DLGAP4: variants seen among roughly 807,000 people sequenced by gnomAD.
DLGAP4 encodes disks large-associated protein 4.
DLGAP4 carries 18 observed loss-of-function variants against 86.9 expected under a neutral mutation model. That is an observed-to-expected ratio of 0.21 (90% CI 0.14 to 0.31). The LOEUF (loss-of-function observed/expected upper bound fraction) is 0.31, where lower values mean the gene tolerates loss of function less well. DLGAP4 is among the 10% of genes least tolerant of loss of function. DLGAP4 has a pLI of 1.00. For synonymous variants in DLGAP4, 548 were observed against 574.3 expected (o/e 0.95, Z 0.65); for missense variants, 1,085 against 1,362.6 (o/e 0.80, Z 3.21).
In DLGAP4 at chr20:36,461,518, CCCGCCGCTGG is replaced by C. The variant is rs1052310202; in HGVS notation, c.1648+14589_1648+14598del. The C allele has an allele frequency of 2.2e-5, 22 of 983,572 alleles. No individual in the cohort carries two copies. In the African/African-American group the frequency reaches 3.9e-4, roughly 17 times the overall value. 60.9% of individuals were successfully genotyped at this position (983,572 alleles called of 1,614,324 possible). A position where few individuals can be genotyped will look rare whatever the true frequency, so the allele number is the denominator to read the frequency against. On this transcript the variant is annotated intron_variant, in intron 7 of 12. Transcript: ENST00000339266. ...GCTGCGTGAGGGAGGAGGGTGAGTG[CCCGCCGCTGG>C]CCGCCGCCGCCGCCGCCAGTCCGTC...
intron 6 of DLGAP4, among the ~76,000 whole-genome samples, chr20:36,443,059 C>T (rs924211127): frequency 2.0e-5 from 3 of 152,334 alleles, no homozygotes; most frequent in South Asian, 4.1e-4. Context: ...CTCCAGGACT[C>T]CTGCCCTCCT....
At chr20:36,509,990 G>A (rs959682038) in intron 10 of DLGAP4, among the ~76,000 whole-genome samples, 1 of 151,894 alleles carries the variant, frequency 6.6e-6, no homozygotes, top group Non-Finnish European at 1.5e-5. Context: ...CTGAGCAGCT[G>A]GGATTACAGG....
chr20:36,482,099 C>T (rs1300822197), intron 7 of DLGAP4, among the ~76,000 whole-genome samples: 1 of 152,220 alleles, frequency 6.6e-6, no homozygotes, highest in Non-Finnish European at 1.5e-5. Context: ...CCATTCAGTC[C>T]TGCACTATTC....
chr20:36,465,770 G>A (rs1473575284), intron 7 of DLGAP4, among the ~76,000 whole-genome samples: 1 of 152,088 alleles, frequency 6.6e-6, no homozygotes, highest in Non-Finnish European at 1.5e-5. Flanking sequence ...GGGCTCTTGC[G>A]GGAAGGCTGT....
intron 7 of DLGAP4, chr20:36,461,341 T>A: frequency 3.6e-6 from 2 of 556,078 alleles, no homozygotes; most frequent in Non-Finnish European, 4.5e-6. Flanking sequence ...CCGGGCCACA[T>A]GCCAAGCGGG....
rs200995929 is a variant in DLGAP4 at position 36,527,266 on chromosome 20, CTTT to C, written c.*242_*244del. 1 of 431,904 alleles carries C rather than the reference CTTT, an allele frequency of 2.3e-6. No individual in the cohort carries two copies. Among genetic ancestry groups the C allele is most frequent in the African/African-American group, 2.0e-5 (1 of 49,716 alleles). The allele number at this position is 431,904 out of a possible 1,614,324, so 26.8% of individuals were successfully genotyped here. A position where few individuals can be genotyped will look rare whatever the true frequency, so the allele number is the denominator to read the frequency against. On this transcript the variant is annotated 3_prime_UTR_variant, in exon 13 of 13. Coordinates refer to ENST00000339266, the MANE Select transcript of DLGAP4 (RefSeq NM_001365621.2). ...CAACAAAAATCACGAAACTAGAAAA[CTTT>C]TTTTTTCCTCTTGCTGGCCGTGGTG...
At chr20:36,372,521 C>CTT (rs763253874) in intron 2 of DLGAP4, among the ~76,000 whole-genome samples, 2 of 140,144 alleles carry the variant, frequency 1.4e-5, no homozygotes, top group Non-Finnish European at 3.1e-5. Context: ...CCAGGATTTG[C>CTT]TTTTTTTTTT....
rs776281416 is a variant in DLGAP4, at chr20:36,526,878, C to A, written c.2826C>A (p.Arg942=). 1 of 1,612,670 alleles carries A rather than the reference C, an allele frequency of 6.2e-7. No individual in the cohort carries two copies. Among genetic ancestry groups the A allele is most frequent in the East Asian group, 2.2e-5 (1 of 44,834 alleles). The change falls in exon 13 of 13, where the codon CGC becomes CGA. Residue 942 remains arginine, a synonymous_variant. Coordinates refer to ENST00000339266, the MANE Select transcript of DLGAP4 (RefSeq NM_001365621.2). ...CCAAATCCAAGCCGGCAGTGAGCCG[C>A]GACAAGGCCTCAGACGCCAGCGACA... is the stretch of plus-strand genomic sequence containing the variant. ...KPAKSKPAVS[R]DKASDASDKQ...
chr20:36,506,145 CAT>C (rs1020746138), intron 10 of DLGAP4, among the ~76,000 whole-genome samples: 1 of 152,188 alleles, frequency 6.6e-6, no homozygotes, highest in Non-Finnish European at 1.5e-5. Flanking sequence ...TTACTAACGA[CAT>C]GTGGCTAGTA....
intron 1 of DLGAP4, among the ~76,000 whole-genome samples, chr20:36,324,337 G>A (rs1222574558): frequency 1.3e-5 from 2 of 152,126 alleles, no homozygotes; most frequent in Non-Finnish European, 2.9e-5. Flanking sequence ...AGAGGCAGGA[G>A]AATCACTTGA....
chr20:36,317,823 C>G (rs1451089023), intron 1 of DLGAP4, among the ~76,000 whole-genome samples: 4 of 151,844 alleles, frequency 2.6e-5, no homozygotes, highest in Non-Finnish European at 5.9e-5. Context: ...ATAGCTGAGT[C>G]AGATCCATTC....
intron 7 of DLGAP4, among the ~76,000 whole-genome samples, chr20:36,464,575 C>T (rs1048046450): frequency 1.2e-4 from 18 of 151,540 alleles, no homozygotes; most frequent in African/African-American, 2.9e-4. Context: ...GTCGACCGGG[C>T]GCGCTGGCTC....
rs976913482 is a variant in DLGAP4, at chr20:36,393,997, G to A, written c.-73+26722G>A. 6.6e-6 allele frequency among the ~76,000 whole-genome samples: 1 copy of A among 152,108 alleles called. No homozygotes were observed. The highest frequency in any genetic ancestry group is 1.5e-5 in the Non-Finnish European group (1 of 68,002). ...GGGTGCCCCCTCCCTCCTCCATGCC[G>A]CACTGGCCTGCCTTCTATTTCTCAG... On this transcript the variant is annotated intron_variant, in intron 2 of 12. Coordinates refer to ENST00000339266, the MANE Select transcript of DLGAP4 (RefSeq NM_001365621.2). The surrounding 1 kb of genome is among the most constrained non-coding windows in gnomAD (Gnocchi z 4.4).
At chr20:36,368,563 G>A (rs913991894) in intron 2 of DLGAP4, among the ~76,000 whole-genome samples, 3 of 152,128 alleles carry the variant, frequency 2.0e-5, no homozygotes, top group Non-Finnish European at 4.4e-5. Context: ...TGGCTCTCCC[G>A]ACCCAGCTCC....
chr20:36,335,980 A>T (rs2065317678), intron 1 of DLGAP4, among the ~76,000 whole-genome samples: 1 of 152,132 alleles, frequency 6.6e-6, no homozygotes, highest in African/African-American at 2.4e-5. Context: ...GAAGGATGAC[A>T]GGTTCCTGTT....
chr20:36,383,349 G>A (rs1051395699), intron 2 of DLGAP4, among the ~76,000 whole-genome samples: 1 of 152,318 alleles, frequency 6.6e-6, no homozygotes, highest in Middle Eastern at 3.4e-3. Context: ...GATGGAGTGG[G>A]ACAGGCTGAA....
At position 36,395,320 on chromosome 20, in the gene DLGAP4, G is replaced by C. The variant is rs972097642; in HGVS notation, c.-73+28045G>C. On this transcript the variant is annotated intron_variant, in intron 2 of 12. Coordinates refer to ENST00000339266, the MANE Select transcript of DLGAP4 (RefSeq NM_001365621.2). ...ACCTGTCTCCCCAGCTAGAATGTAG[G>C]CTCTATGGGGGCAAGGACTGTCTTC... 2.6e-5 allele frequency among the ~76,000 whole-genome samples: 4 copies of C among 152,206 alleles called. No individual in the cohort carries two copies. In the South Asian group the frequency reaches 8.3e-4, roughly 32 times the overall value.
intron 7 of DLGAP4, among the ~76,000 whole-genome samples, chr20:36,476,986 C>T (rs2034974277): frequency 6.6e-6 from 1 of 151,926 alleles, no homozygotes; most frequent in Admixed American, 6.6e-5. Context: ...AGCTACCATG[C>T]CCAGCCCTCT....
intron 2 of DLGAP4, among the ~76,000 whole-genome samples, chr20:36,372,319 A>G (rs918954031): frequency 2.0e-5 from 3 of 152,038 alleles, no homozygotes; most frequent in African/African-American, 7.3e-5. Flanking sequence ...TGGGAGTCAG[A>G]CCCAGGTAGG....
Sources: allele counts gnomAD v4.1 joint callset (sites outside exome capture counted in the v4.1 genomes callset), GRCh38; gene constraint gnomAD v4.1.1; non-coding constraint Gnocchi (gnomAD v3.1); transcripts MANE v1.5; gene names NCBI Gene and HGNC (gene_info 2026-07-23, HGNC 2026-07-21).